The following PCDHA5 variants were observed in gnomAD, a reference collection of about 807,000 sequenced individuals.
The protein encoded by PCDHA5 is protocadherin alpha 5, also known as protocadherin alpha-5.
A neutral mutation model predicts 61.6 loss-of-function variants in PCDHA5; 43 were observed. That is an observed-to-expected ratio of 0.70 (90% CI 0.55 to 0.90). The LOEUF is 0.90. Ranked by LOEUF, PCDHA5 falls within the 40% of genes least tolerant of loss-of-function variation. The pLI is 0.00. For synonymous variants in PCDHA5, 627 were observed against 543.9 expected (o/e 1.15, Z -2.13); for missense variants, 1,298 against 1,222.7 (o/e 1.06, Z -0.92).
chr5:140,834,830 C>T (rs1554134546), intron 1 of PCDHA5: 1 of 1,612,028 alleles, frequency 6.2e-7, no homozygotes, highest in East Asian at 2.2e-5. Context: ...GGCCGCTTGA[C>T]TCTCGGTTTC....
intron 1 of PCDHA5, among the ~76,000 whole-genome samples, chr5:140,900,569 A>G (rs1166977648): frequency 2.6e-5 from 4 of 152,182 alleles, no homozygotes; most frequent in African/African-American, 9.7e-5. Context: ...GAGCCACGGC[A>G]CCGGCCCATT....
chr5:140,868,706 CAA>C (rs1562618527), intron 1 of PCDHA5: 1 of 185,252 alleles, frequency 5.4e-6, no homozygotes, highest in Non-Finnish European at 1.1e-5. Flanking sequence ...AACATAGACA[CAA>C]TAATTTAAAT....
intron 1 of PCDHA5, chr5:140,834,608 G>A (rs2150222869): frequency 6.2e-7 from 1 of 1,614,060 alleles, no homozygotes; most frequent in East Asian, 2.2e-5. Context: ...GGGATCTTCT[G>A]GAGGTAAATC....
At position 140,823,260 on chromosome 5, in the gene PCDHA5, G is replaced by A. The variant is rs2150124011; in HGVS notation, c.1485G>A (p.Glu495=). The change falls in exon 1 of 4, where the codon GAG becomes GAA. Residue 495 remains glutamate, a synonymous_variant. Transcript: ENST00000529859. ...ENALVSYSLV[E]RRVGERPLSS... ...CCCTGGTGTCCTACTCGCTGGTGGA[G>A]CGGCGGGTGGGCGAGCGCCCGCTGT... is the stretch of plus-strand genomic sequence containing the variant. 59 of 1,613,054 alleles carry A rather than the reference G, an allele frequency of 3.7e-5. No individual in the cohort carries two copies. In the Admixed American group the frequency reaches 7.5e-4, roughly 20 times the overall value.
At chr5:140,870,477 G>A (rs781992966) in intron 1 of PCDHA5, 2 of 1,614,238 alleles carry the variant, frequency 1.2e-6, no homozygotes, top group East Asian at 2.2e-5. Flanking sequence ...CACAGCCCGA[G>A]TACACCGTGT....
chr5:140,830,152 G>C (rs2150182031), intron 1 of PCDHA5: 3 of 1,613,316 alleles, frequency 1.9e-6, no homozygotes, highest in East Asian at 4.5e-5. Flanking sequence ...TGGGCGCCGC[G>C]GGCCCAGAGG....
chr5:140,994,142 G>C (rs550428204), intron 3 of PCDHA5, among the ~76,000 whole-genome samples: 8 of 152,180 alleles, frequency 5.3e-5, no homozygotes, highest in Admixed American at 4.6e-4. Context: ...AATGCCCTAC[G>C]TAGGTAGGGT....
chr5:140,838,939 AAAAT>A lies in PCDHA5; in HGVS notation c.2352+14816_2352+14819del, dbSNP rs140008993. 4.7e-3 allele frequency among the ~76,000 whole-genome samples: 708 copies of A among 152,118 alleles called. 10 individuals are homozygous for A. The highest frequency in any genetic ancestry group is 5.1e-3 in the Non-Finnish European group (345 of 67,986). ...CAAAAATAAAATAAAATGAAATAATAAAATAAAATAAAATAAAAACCCAGAACTG... is the reference window on the plus strand; with the variant it reads ...CAAAAATAAAATAAAATGAAATAATAAAAATAAAATAAAAACCCAGAACTG... On this transcript the variant is annotated intron_variant, in intron 1 of 3. Coordinates refer to ENST00000529859, the MANE Select transcript of PCDHA5 (RefSeq NM_018908.3).
At chr5:140,992,295 A>G (rs2097504334) in intron 3 of PCDHA5, among the ~76,000 whole-genome samples, 1 of 152,134 alleles carries the variant, frequency 6.6e-6, no homozygotes, top group African/African-American at 2.4e-5. Flanking sequence ...AAAGGATGGG[A>G]GTATTGTTTT....
rs2150113933 is a variant in PCDHA5, at chr5:140,822,135, G to A, written c.360G>A (p.Val120=). 3.7e-6 allele frequency: 6 copies of A among 1,614,254 alleles called. No homozygotes were observed. Among genetic ancestry groups the A allele is most frequent in the East Asian group, 2.2e-5 (1 of 44,892 alleles). The change falls in exon 1 of 4, where the codon GTG becomes GTA. Residue 120 remains valine (V), a synonymous_variant. Coordinates refer to ENST00000529859, the MANE Select transcript of PCDHA5 (RefSeq NM_018908.3). ...CGCTGCAGGTTTTCCATGTGGAGGT[G>A]GCAGTGAAGGACATCAATGACAATC... ...DRPLQVFHVE[V]AVKDINDNPP...
chr5:140,822,071 C>A lies in PCDHA5; in HGVS notation c.296C>A (p.Ala99Glu). 2 of 1,614,192 alleles carry A rather than the reference C, an allele frequency of 1.2e-6. No homozygotes were observed. The highest frequency in any genetic ancestry group is 1.7e-6 in the Non-Finnish European group (2 of 1,180,034). ...CGGGAGGAGCTGTGCCGGCGGAGGG[C>A]GGAGTGCAGCATCCACCTGGAGGTG... ...IDREELCRRR[A>E]ECSIHLEVIV... The change falls in exon 1 of 4, where the codon GCG becomes GAG. Residue 99 changes from alanine (A) to glutamate (E), a missense_variant. By Grantham distance (107) the Ala-to-Glu change is moderately radical. Coordinates refer to ENST00000529859, the MANE Select transcript of PCDHA5 (RefSeq NM_018908.3).
intron 1 of PCDHA5, among the ~76,000 whole-genome samples, chr5:140,833,300 C>T (rs1475529719): frequency 1.3e-5 from 2 of 152,266 alleles, no homozygotes; most frequent in Admixed American, 6.5e-5. Context: ...TGAATACAGA[C>T]ATAATTATTT....
At position 140,876,284 on chromosome 5, in the gene PCDHA5, A is replaced by C. The variant is rs781831935; in HGVS notation, c.2352+52157A>C. 1.7e-5 allele frequency: 27 copies of C among 1,613,954 alleles called. No homozygotes were observed. The highest frequency in any genetic ancestry group is 2.3e-5 in the Non-Finnish European group (27 of 1,179,908). ...CAACTAAATGCTTCCGATCCAGACG[A>C]AGGACTTAATGGAGAAATTTCCTAT... On this transcript the variant is annotated intron_variant, in intron 1 of 3. Transcript: ENST00000529859.
chr5:140,861,426 T>G (rs1451953787), intron 1 of PCDHA5: 8 of 485,290 alleles, frequency 1.6e-5, no homozygotes, highest in South Asian at 1.1e-4. Flanking sequence ...CCTGTTTCAG[T>G]TGGATTCCAA....
chr5:140,947,131 G>A (rs994081159), intron 1 of PCDHA5, among the ~76,000 whole-genome samples: 10 of 151,080 alleles, frequency 6.6e-5, no homozygotes, highest in African/African-American at 2.2e-4. Context: ...AATAAAAATA[G>A]TAAAATGTAT....
chr5:140,977,864 GGTAAGTATAAT>G (rs1175044090), intron 1 of PCDHA5, among the ~76,000 whole-genome samples: 1 of 152,140 alleles, frequency 6.6e-6, no homozygotes, highest in Non-Finnish European at 1.5e-5. Context: ...TACCAAATAT[GGTAAGTATAAT>G]GTAGAGGAAA....
At chr5:140,870,489 C>A in intron 1 of PCDHA5, 1 of 1,614,222 alleles carries the variant, frequency 6.2e-7, no homozygotes, top group South Asian at 1.1e-5. Context: ...ACACCGTGTT[C>A]GTGAAGGAGA....
At chr5:140,894,042 C>T (rs1180138209) in intron 1 of PCDHA5, among the ~76,000 whole-genome samples, 2 of 152,078 alleles carry the variant, frequency 1.3e-5, no homozygotes, top group African/African-American at 2.4e-5. Context: ...TAATGTAAGT[C>T]CTCTGTTGAA....
chr5:140,991,152 C>A (rs533894396), intron 3 of PCDHA5, among the ~76,000 whole-genome samples: 29 of 152,168 alleles, frequency 1.9e-4, no homozygotes, highest in Non-Finnish European at 3.2e-4. Flanking sequence ...TTTTGCTCAC[C>A]ATTGTATTCC....
Sources: gnomAD v4.1 joint callset for allele counts (sites outside exome capture counted in the v4.1 genomes callset) on GRCh38, gnomAD v4.1.1 for gene constraint, MANE v1.5 for transcripts, NCBI Gene and HGNC (gene_info 2026-07-23, HGNC 2026-07-21) for gene names.